Variants in STAU1 observed in about 807,000 individuals in gnomAD.
STAU1 encodes the protein staufen double-stranded RNA binding protein 1.
In STAU1, 13 loss-of-function variants were observed where a neutral mutation model predicts 62.9. The observed-to-expected ratio is 0.21, with a 90% CI of 0.13 to 0.33. STAU1 has a LOEUF of 0.33. Among genes scored for constraint, STAU1 ranks in the 10% least tolerant of loss-of-function variants. The pLI is 1.00. For synonymous variants in STAU1, 269 were observed against 265.1 expected, an observed-to-expected ratio of 1.01 and a Z score of -0.14; for missense variants, 571 against 712.1, an observed-to-expected ratio of 0.80 and a Z score of 2.25.
At chr20:49,196,922 C>G in the STAU1 span, among the ~76,000 whole-genome samples, 1 of 152,078 alleles carries the variant, frequency 6.6e-6, no homozygotes, top group Non-Finnish European at 1.5e-5. Flanking sequence ...TTTGGGAGGC[C>G]GAGGCAGGCG....
chr20:49,132,274 G>A (rs1374738013), intron 6 of STAU1, among the ~76,000 whole-genome samples: 1 of 152,118 alleles, frequency 6.6e-6, no homozygotes, highest in Non-Finnish European at 1.5e-5. Context: ...CACCCTGATG[G>A]CTCACTTCAA....
At chr20:49,175,070 C>T (rs986501074) in intron 1 of STAU1, among the ~76,000 whole-genome samples, 10 of 152,046 alleles carry the variant, frequency 6.6e-5, no homozygotes, top group African/African-American at 2.4e-5. Flanking sequence ...GCAGGAGAAT[C>T]GCTTGAACCT....
chr20:49,146,874 C>T (rs1177274908), intron 5 of STAU1, among the ~76,000 whole-genome samples: 1 of 152,016 alleles, frequency 6.6e-6, no homozygotes, highest in Non-Finnish European at 1.5e-5. Context: ...AGTTTTTAAC[C>T]ACTTTCCTAG....
chr20:49,207,851 CTGTT>C, the STAU1 span, among the ~76,000 whole-genome samples: 2 of 151,864 alleles, frequency 1.3e-5, no homozygotes, highest in East Asian at 3.9e-4. Flanking sequence ...TGAACCGAGA[CTGTT>C]TGGGGGTTGT....
In STAU1 at chr20:49,117,760, T is replaced by G; in HGVS notation, c.1509+17A>C. The G allele has an allele frequency of 1.3e-6, 2 of 1,592,820 alleles. No individual in the cohort carries two copies. The highest frequency in any genetic ancestry group is 2.7e-5 in the African/African-American group (2 of 74,716). On this transcript the variant is annotated intron_variant, in intron 11 of 13. Transcript: ENST00000371856. The surrounding 1 kb of genome is among the most constrained non-coding windows in gnomAD (Gnocchi z 4.6). ...TGTCCTGAGGCACAGCCATCACAGCTCAGGCCAGACAGTTACCTGGAATCC... is the reference window on the plus strand; with the variant it reads ...TGTCCTGAGGCACAGCCATCACAGCGCAGGCCAGACAGTTACCTGGAATCC...
intron 1 of STAU1, among the ~76,000 whole-genome samples, chr20:49,183,883 C>T (rs1449704105): frequency 6.6e-6 from 1 of 151,806 alleles, no homozygotes; most frequent in Admixed American, 6.6e-5. Flanking sequence ...TAAATAAAGA[C>T]CAAACACTTC....
At chr20:49,203,930 C>T in the STAU1 span, among the ~76,000 whole-genome samples, 1 of 152,134 alleles carries the variant, frequency 6.6e-6, no homozygotes, top group Non-Finnish European at 1.5e-5. Flanking sequence ...TGTGATCCGC[C>T]GCCTTGGCCT....
chr20:49,190,905 A>ATTTTTTT (rs11477133), upstream of STAU1, among the ~76,000 whole-genome samples: 1 of 140,288 alleles, frequency 7.1e-6, no homozygotes. Flanking sequence ...GAGATGCTGA[A>ATTTTTTT]TTTTTTTTTT....
intron 3 of STAU1, among the ~76,000 whole-genome samples, chr20:49,158,271 T>G (rs2093395519): frequency 6.6e-6 from 1 of 151,644 alleles, no homozygotes. Context: ...GATGACAGAG[T>G]AAAACTCCGT....
chr20:49,129,630 C>CTTTTTTTTT (rs558925613), intron 6 of STAU1, among the ~76,000 whole-genome samples: 1 of 96,656 alleles, frequency 1.0e-5, no homozygotes, highest in Non-Finnish European at 2.0e-5. Context: ...AGTTTGGCAA[C>CTTTTTTTTT]TTTTTTTTTT....
the STAU1 span, among the ~76,000 whole-genome samples, chr20:49,196,280 C>CA: frequency 6.6e-6 from 1 of 150,562 alleles, no homozygotes; most frequent in Admixed American, 6.6e-5. Flanking sequence ...ACTAAAAATA[C>CA]AAAAAATTAG....
Position 49,123,308 on chromosome 20 carries a change from T to C in STAU1, c.823-73A>G, listed in dbSNP as rs2092511521. On this transcript the variant is annotated intron_variant, in intron 7 of 13. Coordinates refer to ENST00000371856, the MANE Select transcript of STAU1 (RefSeq NM_017453.4). ...AACTTGGTCAACTCAGAGATCAGGA[T>C]ATGAGAGGAGATAAGAGATTTTGGG... is the stretch of plus-strand genomic sequence containing the variant. 6 of 1,605,554 alleles carry C rather than the reference T, an allele frequency of 3.7e-6. 1 individual carries two copies. The Middle Eastern group carries it at 5.0e-4, about 133-fold the overall frequency.
At chr20:49,183,862 C>T (rs1165552924) in intron 1 of STAU1, among the ~76,000 whole-genome samples, 1 of 151,930 alleles carries the variant, frequency 6.6e-6, no homozygotes, top group Non-Finnish European at 1.5e-5. Flanking sequence ...AGAAAAATAT[C>T]ACCAAACTTT....
chr20:49,204,939 T>G, the STAU1 span, among the ~76,000 whole-genome samples: 2 of 151,734 alleles, frequency 1.3e-5, no homozygotes, highest in Non-Finnish European at 2.9e-5. Flanking sequence ...CGTGAGCCAC[T>G]GTGCCTGGCC....
chr20:49,197,905 C>G, the STAU1 span, among the ~76,000 whole-genome samples: 1 of 151,694 alleles, frequency 6.6e-6, no homozygotes, highest in South Asian at 2.1e-4. Context: ...ACAAGGGGCT[C>G]ACTATGTTGC....
chr20:49,195,898 C>CAAAAAAAAAAAAAAAAA, the STAU1 span, among the ~76,000 whole-genome samples: 88 of 33,778 alleles, frequency 2.6e-3, no homozygotes, highest in East Asian at 5.6e-3. Flanking sequence ...AACTTCCTCT[C>CAAAAAAAAAAAAAAAAA]AAAAAAAAAA....
the STAU1 span, among the ~76,000 whole-genome samples, chr20:49,216,312 G>T: frequency 6.6e-6 from 1 of 152,110 alleles, no homozygotes; most frequent in African/African-American, 2.4e-5. Context: ...GATCCCTTGA[G>T]GTCAGGAGCT....
At chr20:49,172,364 A>G (rs934710738) in intron 2 of STAU1, among the ~76,000 whole-genome samples, 3 of 152,236 alleles carry the variant, frequency 2.0e-5, no homozygotes, top group Non-Finnish European at 4.4e-5. Context: ...AGACATTCTC[A>G]AAAATAACAA....
At chr20:49,217,678 T>A in the STAU1 span, among the ~76,000 whole-genome samples, 1,213 of 143,420 alleles carry the variant, frequency 8.5e-3, 22 homozygotes, top group African/African-American at 0.028. Context: ...CCTTTTAAAA[T>A]ATATATATAT....
Sources: gnomAD v4.1 joint callset for allele counts (sites outside exome capture counted in the v4.1 genomes callset) on GRCh38, gnomAD v4.1.1 for gene constraint, Gnocchi (gnomAD v3.1) non-coding constraint, MANE v1.5 for transcripts, NCBI Gene and HGNC (gene_info 2026-07-23, HGNC 2026-07-21) for gene names.